Variants in ZCCHC8 observed in about 807,000 individuals in gnomAD.
ZCCHC8 encodes zinc finger CCHC domain-containing protein 8.
A neutral mutation model predicts 70.6 loss-of-function variants in ZCCHC8; 27 were observed. The observed-to-expected ratio is 0.38, with a 90% confidence interval of 0.28 to 0.53. ZCCHC8 has a LOEUF of 0.53. ZCCHC8 is among the 20% of genes least tolerant of loss of function. The probability of loss-of-function intolerance (pLI) is 0.81; values close to 1 mark genes in which losing one functional copy is unlikely to be tolerated. For synonymous variants in ZCCHC8, 293 were observed against 317.4 expected, an observed-to-expected ratio of 0.92 and a Z score of 0.82; for missense variants, 737 against 876.9, an observed-to-expected ratio of 0.84 and a Z score of 2.01.
At position 122,500,701 on chromosome 12, in the gene ZCCHC8, G is replaced by C; in HGVS notation, c.140C>G (p.Ala47Gly). The C allele has an allele frequency of 6.3e-7, 1 of 1,581,472 alleles. No individual in the cohort carries two copies. The highest frequency in any genetic ancestry group is 8.6e-7 in the Non-Finnish European group (1 of 1,164,340). Residue 47 changes from alanine to glycine, a missense_variant, in exon 1 of 14, where the codon GCG (alanine) becomes GGG (glycine). Coordinates refer to ENST00000633063, the MANE Select transcript of ZCCHC8 (RefSeq NM_017612.5). This position sits in a 1 kb window ranked among gnomAD's most constrained non-coding sequence, Gnocchi z 4.8. Reference protein sequence around the residue: ...DEEDENGVGDAELRERLRQCE... With the variant: ...DEEDENGVGDGELRERLRQCE... Reference sequence around the variant, plus strand: ...CTGCCGAAGCCGCTCCCGTAGCTCCGCGTCGCCGACCCCATTTTCGTCCTC... The same window carrying C: ...CTGCCGAAGCCGCTCCCGTAGCTCCCCGTCGCCGACCCCATTTTCGTCCTC...
chr12:122,500,709 G>C lies in ZCCHC8; in HGVS notation c.132C>G (p.Val44=), dbSNP rs770539560. ...DDGDEEDENG[V]GDAELRERLR... is the part of the protein sequence containing the mutation. ...GCCGCTCCCGTAGCTCCGCGTCGCC[G>C]ACCCCATTTTCGTCCTCCTCGTCGC... Residue 44 remains valine (V), a synonymous_variant, in exon 1 of 14, where the codon GTC becomes GTG. Transcript: ENST00000633063. The surrounding 1 kb of genome is among the most constrained non-coding windows in gnomAD (Gnocchi z 4.8). 1 of 1,582,770 alleles carries C rather than the reference G, an allele frequency of 6.3e-7. No individual in the cohort carries two copies. The highest frequency in any genetic ancestry group is 8.6e-7 in the Non-Finnish European group (1 of 1,165,104).
At chr12:122,492,926 T>C in intron 2 of ZCCHC8, 137 bp from the exon 3 acceptor site, 1 of 617,308 alleles carries the variant, frequency 1.6e-6, no homozygotes, top group South Asian at 2.0e-5. Context: ...GCTGGAGTGC[T>C]GTGGTGAGAT....
chr12:122,485,570 T>C (rs1202400957), intron 5 of ZCCHC8, among the ~76,000 whole-genome samples: 1 of 152,086 alleles, frequency 6.6e-6, no homozygotes, highest in Non-Finnish European at 1.5e-5. Context: ...GGCGTGTGAG[T>C]GGCATCTCAA....
intron 2 of ZCCHC8, among the ~76,000 whole-genome samples, chr12:122,495,591 C>T (rs1957813401): frequency 6.6e-6 from 1 of 151,764 alleles, no homozygotes; most frequent in Non-Finnish European, 1.5e-5. Flanking sequence ...GGCTCATGCC[C>T]GTAATGCCAG....
At chr12:122,479,010 C>T (rs1327328908) in intron 11 of ZCCHC8, among the ~76,000 whole-genome samples, 1 of 152,232 alleles carries the variant, frequency 6.6e-6, no homozygotes. Context: ...GCTCACTAGA[C>T]TCTAACTTCA....
rs1011504272 is a variant in ZCCHC8 at position 122,500,721 on chromosome 12, G to A, written c.120C>T (p.Asp40=). ...GCTCCGCGTCGCCGACCCCATTTTC[G>A]TCCTCCTCGTCGCCGTCGTCGTCCT... ...RFKDDDGDEE[D]ENGVGDAELR... Residue 40 remains aspartate (D), a synonymous_variant, in exon 1 of 14, where the codon GAC becomes GAT. Transcript: ENST00000633063. The surrounding 1 kb of genome is among the most constrained non-coding windows in gnomAD (Gnocchi z 4.8). 2.5e-6 allele frequency: 4 copies of A among 1,582,906 alleles called. No homozygotes were observed. The African/African-American group carries it at 5.4e-5, about 21-fold the overall frequency.
chr12:122,496,688 C>G (rs569199179), intron 2 of ZCCHC8, among the ~76,000 whole-genome samples: 5 of 152,192 alleles, frequency 3.3e-5, no homozygotes, highest in African/African-American at 9.6e-5. Context: ...TTTGTAGAGA[C>G]AGAGTCTCAC....
In ZCCHC8 at chr12:122,473,022, T is replaced by G. The variant is rs1207564543; in HGVS notation, c.*475A>C. 1 of 155,480 alleles carries G rather than the reference T, an allele frequency of 6.4e-6. No individual in the cohort carries two copies. The highest frequency in any genetic ancestry group is 1.9e-4 in the East Asian group (1 of 5,302). The allele number at this position is 155,480 out of a possible 1,614,324, so 9.6% of individuals were successfully genotyped here. On this transcript the variant is annotated 3_prime_UTR_variant, in exon 14 of 14. Coordinates refer to ENST00000633063, the MANE Select transcript of ZCCHC8 (RefSeq NM_017612.5). ...ACTAAAATTGACACATGTAAATCAC[T>G]TACAAAAATACCCCAAATGGGATAA...
At position 122,478,312 on chromosome 12, in the gene ZCCHC8, GAA is replaced by G; in HGVS notation, c.1141-22_1141-21del. The G allele has an allele frequency of 7.3e-7, 1 of 1,372,984 alleles. No homozygotes were observed. The highest frequency in any genetic ancestry group is 9.8e-7 in the Non-Finnish European group (1 of 1,021,636). The allele number at this position is 1,372,984 out of a possible 1,614,324, so 85.1% of individuals were successfully genotyped here. Reference sequence around the variant, plus strand: ...CCATTCCTAATGATGAAAAGAGAAGGAAAAAAAAAACACATGTATTTGGAAAA... The same window carrying G: ...CCATTCCTAATGATGAAAAGAGAAGGAAAAAAAACACATGTATTTGGAAAA... On this transcript the variant is annotated intron_variant, in intron 11 of 13. Coordinates refer to ENST00000633063, the MANE Select transcript of ZCCHC8 (RefSeq NM_017612.5).
intron 11 of ZCCHC8, among the ~76,000 whole-genome samples, chr12:122,479,000 G>GC (rs1423149336): frequency 6.6e-6 from 1 of 152,150 alleles, no homozygotes; most frequent in Non-Finnish European, 1.5e-5. Context: ...CTTTCTATCT[G>GC]CTCACTAGAC....
At chr12:122,476,812 C>CAG (rs1211502954) in intron 13 of ZCCHC8, among the ~76,000 whole-genome samples, 1 of 152,046 alleles carries the variant, frequency 6.6e-6, no homozygotes, top group Non-Finnish European at 1.5e-5. Flanking sequence ...CACCTGAGGT[C>CAG]AGGAGCTCAA....
chr12:122,494,526 C>T (rs1158870569), intron 2 of ZCCHC8, among the ~76,000 whole-genome samples: 1 of 148,406 alleles, frequency 6.7e-6, no homozygotes. Flanking sequence ...TGCCACTGCA[C>T]TCCAGCCTGG....
At chr12:122,481,847 A>T in intron 9 of ZCCHC8, 98 bp downstream of exon 9, 1 of 1,459,078 alleles carries the variant, frequency 6.9e-7, no homozygotes. Flanking sequence ...GCTTTGCCAG[A>T]GTACACTTAT....
chr12:122,488,636 G>C (rs932045317), intron 5 of ZCCHC8, among the ~76,000 whole-genome samples: 5 of 151,992 alleles, frequency 3.3e-5, no homozygotes, highest in African/African-American at 1.2e-4. Context: ...ACTCTGGGAG[G>C]CCAAGGAGGG....
At chr12:122,478,667 TGA>T (rs1957470943) in intron 11 of ZCCHC8, 1 of 173,476 alleles carries the variant, frequency 5.8e-6, no homozygotes, top group African/African-American at 2.4e-5. Context: ...CACTTACTCA[TGA>T]GTTTTCTATC....
At chr12:122,491,746 T>C (rs937690093) in intron 3 of ZCCHC8, among the ~76,000 whole-genome samples, 6 of 151,678 alleles carry the variant, frequency 4.0e-5, no homozygotes, top group African/African-American at 1.2e-4. Flanking sequence ...GAGAATCACT[T>C]GAACCTGGCA....
At chr12:122,487,587 C>T (rs1303434546) in intron 5 of ZCCHC8, among the ~76,000 whole-genome samples, 1 of 152,098 alleles carries the variant, frequency 6.6e-6, no homozygotes, top group African/African-American at 2.4e-5. Flanking sequence ...TCATTTTTCA[C>T]ATCTCTTATA....
Position 122,481,992 on chromosome 12 carries a change from T to G in ZCCHC8, c.828A>C (p.Ala276=). The change falls in exon 9 of 14, where the codon GCA becomes GCC. Residue 276 remains alanine, a synonymous_variant. Transcript: ENST00000633063. ...NNQNFQQRYH[A]EEVEERFGRF... is the part of the protein sequence containing the mutation. Reference sequence around the variant, plus strand: ...TTCCAAATCTTTCTTCTACTTCTTCTGCGTGGTATCGCTGCTGGAAATTCT... The same window carrying G: ...TTCCAAATCTTTCTTCTACTTCTTCGGCGTGGTATCGCTGCTGGAAATTCT... The G allele has an allele frequency of 1.2e-6, 2 of 1,613,574 alleles. No homozygotes were observed. Among genetic ancestry groups the G allele is most frequent in the South Asian group, 2.2e-5 (2 of 91,036 alleles).
In ZCCHC8 at chr12:122,483,243, G is replaced by C; in HGVS notation, c.671+36C>G. ...AAAGTTTATGATTTTGGTTAAAAAA[G>C]TAAATAAGTAAAACAAAACAACTCC... is the stretch of plus-strand genomic sequence containing the variant. On this transcript the variant is annotated intron_variant, in intron 7 of 13. Coordinates refer to ENST00000633063, the MANE Select transcript of ZCCHC8 (RefSeq NM_017612.5). The surrounding 1 kb of genome is among the most constrained non-coding windows in gnomAD (Gnocchi z 4.4). The C allele has an allele frequency of 6.5e-7, 1 of 1,549,176 alleles. No individual in the cohort carries two copies. Among genetic ancestry groups the C allele is most frequent in the Non-Finnish European group, 8.7e-7 (1 of 1,144,826 alleles).
Sources: gnomAD v4.1 joint callset for allele counts (sites outside exome capture counted in the v4.1 genomes callset) on GRCh38, gnomAD v4.1.1 for gene constraint, Gnocchi (gnomAD v3.1) non-coding constraint, MANE v1.5 for transcripts, NCBI Gene and HGNC (gene_info 2026-07-23, HGNC 2026-07-21) for gene names.